NUAK1: variants seen among roughly 807,000 people sequenced by gnomAD.
NUAK1 encodes the protein NUAK family kinase 1, also known as NUAK family SNF1-like kinase 1.
In NUAK1, 26 loss-of-function variants were observed where a neutral mutation model predicts 56.9. The observed-to-expected ratio is 0.46, with a 90% CI of 0.33 to 0.63. The LOEUF (loss-of-function observed/expected upper bound fraction) is 0.63, where lower values mean the gene tolerates loss of function less well. Ranked by LOEUF, NUAK1 falls within the 30% of genes least tolerant of loss-of-function variation. NUAK1 has a pLI of 0.02. For missense variants in NUAK1, 727 were observed against 876.1 expected, an observed-to-expected ratio of 0.83 and a Z score of 2.15; for synonymous variants, 337 against 336.0, an observed-to-expected ratio of 1.00 and a Z score of -0.03.
At chr12:106,089,589 A>C (rs567894866) in intron 2 of NUAK1, among the ~76,000 whole-genome samples, 1 of 152,312 alleles carries the variant, frequency 6.6e-6, no homozygotes, top group South Asian at 2.1e-4. Context: ...GCCAGAAGTC[A>C]CCAGACTGGC....
Position 106,138,267 on chromosome 12 carries a change from G to C in NUAK1, c.240+147C>G. 1.9e-6 allele frequency: 2 copies of C among 1,057,202 alleles called. No homozygotes were observed. The highest frequency in any genetic ancestry group is 3.4e-5 in the South Asian group (2 of 58,594). 65.5% of individuals were successfully genotyped at this position (1,057,202 alleles called of 1,614,324 possible). ...CCTGAGTCACGGGGTGCTGGAGAAA[G>C]AGTGAGGAGTCTGTCTCGGGGCTTC... On this transcript the variant is annotated intron_variant, in intron 1 of 6. Coordinates refer to ENST00000261402, the MANE Select transcript of NUAK1 (RefSeq NM_014840.3). The surrounding 1 kb of genome is among the most constrained non-coding windows in gnomAD (Gnocchi z 5.0).
chr12:106,068,894 C>A (rs563031611), intron 6 of NUAK1, among the ~76,000 whole-genome samples: 2 of 152,162 alleles, frequency 1.3e-5, no homozygotes, highest in African/African-American at 4.8e-5. Context: ...GCAAGAAACA[C>A]CCCTGAAAAG....
At chr12:106,101,797 AGGAG>A (rs2032751532) in intron 2 of NUAK1, among the ~76,000 whole-genome samples, 1 of 152,186 alleles carries the variant, frequency 6.6e-6, no homozygotes, top group Admixed American at 6.5e-5. Context: ...TGGGGATAAA[AGGAG>A]ACCAGATGTG....
chr12:106,102,236 A>G (rs77076477), intron 2 of NUAK1, among the ~76,000 whole-genome samples: 6,620 of 152,266 alleles, frequency 0.043, 501 homozygotes, highest in African/African-American at 0.15. Flanking sequence ...TCGTTAACCT[A>G]CTTGAGGTCA....
intron 1 of NUAK1, among the ~76,000 whole-genome samples, chr12:106,127,412 C>G (rs2033034247): frequency 6.6e-6 from 1 of 152,228 alleles, no homozygotes; most frequent in South Asian, 2.1e-4. Context: ...CAAGTGATCC[C>G]CCTGCCTCCC....
intron 1 of NUAK1, among the ~76,000 whole-genome samples, chr12:106,116,173 C>G (rs1182446062): frequency 6.6e-6 from 1 of 152,200 alleles, no homozygotes; most frequent in Admixed American, 6.5e-5. Context: ...AAAGCTGTTG[C>G]TAAAATGGAG....
chr12:106,074,461 T>C (rs917359630), intron 4 of NUAK1, among the ~76,000 whole-genome samples: 5 of 152,154 alleles, frequency 3.3e-5, no homozygotes, highest in African/African-American at 1.2e-4. Flanking sequence ...GATGAGGAAA[T>C]TGAGGTTTAA....
chr12:106,083,589 T>G (rs563076288), intron 4 of NUAK1, among the ~76,000 whole-genome samples: 3 of 152,350 alleles, frequency 2.0e-5, no homozygotes, highest in African/African-American at 7.2e-5. Context: ...GATTTTAGAC[T>G]ATGAGCTTCC....
At chr12:106,089,418 G>A (rs575133390) in intron 2 of NUAK1, among the ~76,000 whole-genome samples, 46 of 152,284 alleles carry the variant, frequency 3.0e-4, no homozygotes, top group African/African-American at 7.7e-4. Flanking sequence ...AACACAATTC[G>A]GTTCAATACA....
rs117177567 is a variant in NUAK1 at position 106,131,532 on chromosome 12, T to C, written c.240+6882A>G. Reference sequence around the variant, plus strand: ...ATGTATTAAGTACCTCATTCCTTTTTACTGTTGAATAACAGTCCAAAAATA... The same window carrying C: ...ATGTATTAAGTACCTCATTCCTTTTCACTGTTGAATAACAGTCCAAAAATA... On this transcript the variant is annotated intron_variant, in intron 1 of 6. Coordinates refer to ENST00000261402, the MANE Select transcript of NUAK1 (RefSeq NM_014840.3). Among the ~76,000 whole-genome samples the C allele has an allele frequency of 1.6e-4, 24 of 152,356 alleles. No homozygotes were observed. The East Asian group carries it at 3.9e-3, about 24-fold the overall frequency.
chr12:106,080,229 T>C (rs955466348), intron 4 of NUAK1, among the ~76,000 whole-genome samples: 2 of 152,186 alleles, frequency 1.3e-5, no homozygotes, highest in African/African-American at 4.8e-5. Flanking sequence ...CGCGCTTCCA[T>C]TGTCTTAAGG....
chr12:106,083,469 A>C (rs541137386), intron 4 of NUAK1, among the ~76,000 whole-genome samples: 1 of 152,338 alleles, frequency 6.6e-6, no homozygotes, highest in South Asian at 2.1e-4. Flanking sequence ...TGTAAATAAC[A>C]GTACCTACCT....
chr12:106,138,661 C>T lies in NUAK1; in HGVS notation c.-8G>A. 6.6e-7 allele frequency: 1 copy of T among 1,515,524 alleles called. No individual in the cohort carries two copies. The allele number at this position is 1,515,524 out of a possible 1,614,324, so 93.9% of individuals were successfully genotyped here. On this transcript the variant is annotated 5_prime_UTR_variant, in exon 1 of 7. Transcript: ENST00000261402. The surrounding 1 kb of genome is among the most constrained non-coding windows in gnomAD (Gnocchi z 5.0). ...CGCGGCGGCCCCTTCCATGTCCAAG[C>T]GCGGGGCGAGCCGGGCTACAGAGGG...
rs2032995693 is a variant in NUAK1 at position 106,123,278 on chromosome 12, C to T, written c.240+15136G>A. Reference sequence around the variant, plus strand: ...AGGGGCCAAGTGTGTGCCATGTCCTCATTCAACCTAGTGTCTAGAGCAGCA... The same window carrying T: ...AGGGGCCAAGTGTGTGCCATGTCCTTATTCAACCTAGTGTCTAGAGCAGCA... On this transcript the variant is annotated intron_variant, in intron 1 of 6. Coordinates refer to ENST00000261402, the MANE Select transcript of NUAK1 (RefSeq NM_014840.3). Among the ~76,000 whole-genome samples, 3 of 152,170 alleles carry T rather than the reference C, an allele frequency of 2.0e-5. No homozygotes were observed. In the South Asian group the frequency reaches 6.2e-4, roughly 32 times the overall value.
intron 2 of NUAK1, among the ~76,000 whole-genome samples, chr12:106,093,441 G>A (rs2032657027): frequency 6.6e-6 from 1 of 152,204 alleles, no homozygotes; most frequent in African/African-American, 2.4e-5. Flanking sequence ...CGGTTTGACA[G>A]TCCCGTTCTG....
At chr12:106,108,477 C>A (rs952747084) in intron 1 of NUAK1, among the ~76,000 whole-genome samples, 1 of 150,994 alleles carries the variant, frequency 6.6e-6, no homozygotes, top group African/African-American at 2.4e-5. Flanking sequence ...CAGCCCCATT[C>A]AGTATAGGGC....
At chr12:106,118,670 C>T (rs574057016) in intron 1 of NUAK1, among the ~76,000 whole-genome samples, 2 of 152,334 alleles carry the variant, frequency 1.3e-5, no homozygotes, top group South Asian at 2.1e-4. Flanking sequence ...AACATCCCTG[C>T]GGAACCCCGC....
At chr12:106,071,896 A>G (rs1009454042) in intron 5 of NUAK1, among the ~76,000 whole-genome samples, 11 of 152,184 alleles carry the variant, frequency 7.2e-5, no homozygotes, top group African/African-American at 2.7e-4. Context: ...AAACACATAA[A>G]TATTTGAAAG....
rs112547637 is a variant in NUAK1, at chr12:106,131,297, A to G, written c.240+7117T>C. Among the ~76,000 whole-genome samples, 1,161 of 152,034 alleles carry G rather than the reference A, an allele frequency of 7.6e-3. 13 individuals carry two copies. Among genetic ancestry groups the G allele is most frequent in the African/African-American group, 0.026 (1,064 of 41,422 alleles). ...GCAACCATCATCACAATTTTAGAAC[A>G]TTTTCAGCACCCCCCAGAAAACTCC... On this transcript the variant is annotated intron_variant, in intron 1 of 6. Transcript: ENST00000261402.
Sources: gnomAD v4.1 joint callset for allele counts (sites outside exome capture counted in the v4.1 genomes callset) on GRCh38, gnomAD v4.1.1 for gene constraint, Gnocchi (gnomAD v3.1) non-coding constraint, MANE v1.5 for transcripts, NCBI Gene and HGNC (gene_info 2026-07-23, HGNC 2026-07-21) for gene names.